The following MIA3 variants were observed in gnomAD, a reference collection of about 807,000 sequenced individuals.
MIA3 encodes the protein MIA SH3 domain ER export factor 3, also known as transport and Golgi organization protein 1 homolog.
In MIA3, 90 loss-of-function variants were observed where a neutral mutation model predicts 192.4. The observed-to-expected ratio is 0.47, with a 90% CI of 0.39 to 0.56. The LOEUF is 0.56. Among genes scored for constraint, MIA3 ranks in the 20% least tolerant of loss-of-function variants. MIA3 has a pLI of 0.00. For missense variants in MIA3, 2,123 were observed against 2,269.4 expected (o/e 0.94, Z 1.31); for synonymous variants, 740 against 792.8 (o/e 0.93, Z 1.12).
chr1:222,633,126 T>A lies in MIA3; in HGVS notation c.3354T>A (p.Thr1118=). The change falls in exon 6 of 28, where the codon ACT becomes ACA. Residue 1118 remains threonine, a synonymous_variant. Transcript: ENST00000344922. ...CAGGGCCAGTTACAACAGAAGACAC[T>A]CCTATGGATGCTATTGATGCAAACA... ...LDPGPVTTED[T]PMDAIDANKQ... is the part of the protein sequence containing the mutation. The A allele has an allele frequency of 1.9e-6, 3 of 1,610,144 alleles. No individual in the cohort carries two copies. Among genetic ancestry groups the A allele is most frequent in the Non-Finnish European group, 2.5e-6 (3 of 1,179,044 alleles).
chr1:222,645,793 T>A, intron 7 of MIA3, 108 bp downstream of exon 7: 3 of 945,580 alleles, frequency 3.2e-6, no homozygotes, highest in Non-Finnish European at 4.6e-6. Context: ...TTAATGCTTT[T>A]AATTCAAGCT....
At position 222,659,852 on chromosome 1, in the gene MIA3, T is replaced by C. The variant is rs114523343; in HGVS notation, c.4874+51T>C. On this transcript the variant is annotated intron_variant, in intron 22 of 27. Coordinates refer to ENST00000344922, the MANE Select transcript of MIA3 (RefSeq NM_198551.4). ...TTCAGCGCGTGTTCTCTTAAGGAAT[T>C]GGTTTCTATTTCATATTTAACTCTT... is the stretch of plus-strand genomic sequence containing the variant. The C allele has an allele frequency of 1.7e-3, 2,776 of 1,605,498 alleles. 42 individuals carry two copies. In the African/African-American group the frequency reaches 0.033, roughly 19 times the overall value.
In MIA3 at chr1:222,632,266, G is replaced by A; in HGVS notation, c.3271G>A (p.Gly1091Arg). The A allele has an allele frequency of 6.2e-6, 10 of 1,614,094 alleles. No homozygotes were observed. The highest frequency in any genetic ancestry group is 8.5e-6 in the Non-Finnish European group (10 of 1,179,964). The change falls in exon 5 of 28, where the codon GGG (glycine) becomes AGG (arginine). Residue 1091 changes from glycine (G) to arginine (R), a missense_variant. This residue lies in a region of MIA3 where 1,357 missense variants were observed against 1,396.1 expected (regional missense o/e 0.97). Coordinates refer to ENST00000344922, the MANE Select transcript of MIA3 (RefSeq NM_198551.4). ...CACCCACTTGGACCAACGTGTGATTGGGGACACTCATGCCTCAGAAGTGTC... is the reference window on the plus strand; with the variant it reads ...CACCCACTTGGACCAACGTGTGATTAGGGACACTCATGCCTCAGAAGTGTC... ...EPTHLDQRVI[G>R]DTHASEVSQK...
chr1:222,644,605 G>A lies in MIA3; in HGVS notation c.3478-949G>A, dbSNP rs1227148110. ...GCTGGAGGTGACAGTCCCGATTCCC[G>A]GGGAGGGACCCAAGCTGTCACAGGC... On this transcript the variant is annotated intron_variant, in intron 6 of 27. Coordinates refer to ENST00000344922, the MANE Select transcript of MIA3 (RefSeq NM_198551.4). 6 of 1,550,190 alleles carry A rather than the reference G, an allele frequency of 3.9e-6. No individual in the cohort carries two copies. In the South Asian group the frequency reaches 7.1e-5, roughly 18 times the overall value.
Position 222,652,243 on chromosome 1 carries a change from A to G in MIA3, c.3997A>G (p.Asn1333Asp), listed in dbSNP as rs761728463. The change falls in exon 13 of 28, where the codon AAT (asparagine) becomes GAT (aspartate). Residue 1333 changes from asparagine to aspartate, a missense_variant. Physicochemically the swap from Asn to Asp is conservative, Grantham distance 23 (BLOSUM62 1). Around this residue, in one of 3 missense-constraint regions of MIA3, gnomAD observed 762 missense variants for 856.4 expected, o/e 0.89. Coordinates refer to ENST00000344922, the MANE Select transcript of MIA3 (RefSeq NM_198551.4). Reference protein sequence around the residue: ...SEFSEVQIALNEAKLSEEKVK... With the variant: ...SEFSEVQIALDEAKLSEEKVK... ...TTTGCATTAGGTTCAGATTGCACTT[A>G]ATGAAGCTAAGCTTAGTGAAGAGAA... 1 of 1,613,060 alleles carries G rather than the reference A, an allele frequency of 6.2e-7. No homozygotes were observed. The highest frequency in any genetic ancestry group is 1.1e-5 in the South Asian group (1 of 91,066).
intron 7 of MIA3, chr1:222,647,863 C>T: frequency 5.6e-6 from 2 of 356,900 alleles, no homozygotes; most frequent in Non-Finnish European, 1.2e-5. Flanking sequence ...ATGCATATTC[C>T]TATAACAATG....
chr1:222,624,899 A>G (rs908027751), intron 3 of MIA3, 45 bp downstream of exon 3: 13 of 1,079,392 alleles, frequency 1.2e-5, no homozygotes, highest in East Asian at 4.8e-5. Flanking sequence ...AAGTTGGCTT[A>G]TAAGTGACTA....
At chr1:222,624,322 A>C (rs148903421) in intron 2 of MIA3, among the ~76,000 whole-genome samples, 103 of 152,354 alleles carry the variant, frequency 6.8e-4, no homozygotes, top group Middle Eastern at 3.4e-3. Context: ...AACAAACGTA[A>C]AGATAAAATA....
chr1:222,663,857 G>A, intron 26 of MIA3, 141 bp from the exon 27 acceptor site: 1 of 747,406 alleles, frequency 1.3e-6, no homozygotes, highest in Non-Finnish European at 2.2e-6. Context: ...ACAAATGAGA[G>A]GGGTAGAGTT....
chr1:222,656,483 A>G (rs566131373), intron 18 of MIA3, among the ~76,000 whole-genome samples: 3 of 151,740 alleles, frequency 2.0e-5, no homozygotes, highest in African/African-American at 4.8e-5. Context: ...CTTTTTTCAA[A>G]TGTTTTATGC....
Position 222,667,364 on chromosome 1 carries a change from C to T in MIA3, c.*1745C>T, listed in dbSNP as rs1334583167. ...GTCACAAATACAACTTTTGAATTTA[C>T]CTGTCAATATCTCTTTAGGACACAA... On this transcript the variant is annotated 3_prime_UTR_variant, in exon 28 of 28. Transcript: ENST00000344922. 1 of 152,102 alleles carries T rather than the reference C, an allele frequency of 6.6e-6. No individual in the cohort carries two copies. The highest frequency in any genetic ancestry group is 1.5e-5 in the Non-Finnish European group (1 of 68,018). The allele number at this position is 152,102 out of a possible 1,614,324, so 9.4% of individuals were successfully genotyped here.
chr1:222,655,889 CTG>C (rs1196594238), intron 18 of MIA3, among the ~76,000 whole-genome samples: 2 of 150,908 alleles, frequency 1.3e-5, no homozygotes, highest in East Asian at 3.9e-4. Flanking sequence ...CCTAAAGTCA[CTG>C]TGTTAATTCA....
In MIA3 at chr1:222,629,410, A is replaced by G. The variant is rs745365038; in HGVS notation, c.2190A>G (p.Leu730=). 1.2e-6 allele frequency: 2 copies of G among 1,614,224 alleles called. No homozygotes were observed. The highest frequency in any genetic ancestry group is 1.7e-5 in the Admixed American group (1 of 60,032). Residue 730 remains leucine, a synonymous_variant, in exon 4 of 28, where the codon CTA becomes CTG. Coordinates refer to ENST00000344922, the MANE Select transcript of MIA3 (RefSeq NM_198551.4). ...AGGATGATTATCCCTCTGAAGAACT[A>G]CTAGAGGATGAAAACGCTATAAATG... ...VEEDDYPSEE[L]LEDENAINAK...
chr1:222,644,376 C>G, intron 6 of MIA3: 1 of 1,519,274 alleles, frequency 6.6e-7, no homozygotes, highest in East Asian at 2.5e-5. Flanking sequence ...CAGAGTCCGC[C>G]CCCTGAATTG....
In MIA3 at chr1:222,639,390, G is replaced by C. The variant is rs371066228; in HGVS notation, c.3477+6141G>C. 6.0e-4 allele frequency among the ~76,000 whole-genome samples: 91 copies of C among 152,214 alleles called. 4 individuals carry two copies. In the South Asian group the frequency reaches 0.018, roughly 30 times the overall value. ...ACTTCCCAGCTCATTGTATGAAGCT[G>C]ATGTTACCAGGATATCAAAACAAGG... On this transcript the variant is annotated intron_variant, in intron 6 of 27. Transcript: ENST00000344922.
chr1:222,665,722 G>A lies in MIA3; in HGVS notation c.*103G>A, dbSNP rs1158710931. 1.0e-5 allele frequency: 11 copies of A among 1,061,444 alleles called. No homozygotes were observed. In the East Asian group the frequency reaches 3.1e-4, roughly 30 times the overall value. The allele number at this position is 1,061,444 out of a possible 1,614,324, so 65.8% of individuals were successfully genotyped here. On this transcript the variant is annotated 3_prime_UTR_variant, in exon 28 of 28. Transcript: ENST00000344922. ...CAAAATCCAAAAGTTTATTTTAAAA[G>A]GTTTGTTGTTAGAACTAAGCTGCCT...
chr1:222,656,020 A>C (rs1290627032), intron 18 of MIA3, among the ~76,000 whole-genome samples: 1 of 119,682 alleles, frequency 8.4e-6, no homozygotes, highest in African/African-American at 3.2e-5. Flanking sequence ...CCCAGGCTGG[A>C]GTGCAGTGGC....
Position 222,628,367 on chromosome 1 carries a change from T to G in MIA3, c.1147T>G (p.Trp383Gly). Residue 383 changes from tryptophan to glycine, a missense_variant, in exon 4 of 28, where the codon TGG becomes GGG. Physicochemically the swap from Trp to Gly is radical, Grantham distance 184. Around this residue, in one of 3 missense-constraint regions of MIA3, gnomAD observed 1,357 missense variants for 1,396.1 expected, o/e 0.97. Coordinates refer to ENST00000344922, the MANE Select transcript of MIA3 (RefSeq NM_198551.4). ...TGATGATAAAAATATACTAACAACC[T>G]GGGGGGACACTATCTTCTCTATTGT... ...KNDDKNILTTWGDTIFSIVTG... is the reference protein window; with the variant it reads ...KNDDKNILTTGGDTIFSIVTG... The G allele has an allele frequency of 6.2e-7, 1 of 1,613,828 alleles. No homozygotes were observed. Among genetic ancestry groups the G allele is most frequent in the Non-Finnish European group, 8.5e-7 (1 of 1,179,924 alleles).
chr1:222,624,639 G>A, intron 2 of MIA3, 129 bp from the exon 3 acceptor site: 2 of 600,270 alleles, frequency 3.3e-6, no homozygotes, highest in Non-Finnish European at 6.1e-6. Context: ...GCGGAGAAAA[G>A]TAATGACATT....
Sources: gnomAD v4.1 joint callset for allele counts (sites outside exome capture counted in the v4.1 genomes callset) on GRCh38, gnomAD v4.1.1 for gene constraint, gnomAD v4.1.1 regional missense constraint, MANE v1.5 for transcripts, NCBI Gene and HGNC (gene_info 2026-07-23, HGNC 2026-07-21) for gene names.